The following CSMD1 variants were observed in gnomAD, a reference collection of about 807,000 sequenced individuals.
The protein encoded by CSMD1 is CUB and Sushi multiple domains 1.
CSMD1 carries 213 observed loss-of-function variants against 417.5 expected under a neutral mutation model. The ratio of observed to expected loss-of-function variants is 0.51; its 90% confidence interval spans 0.46 to 0.57. The LOEUF is 0.57. Ranked by LOEUF, CSMD1 falls within the 20% of genes least tolerant of loss-of-function variation. The pLI, the probability that CSMD1 is intolerant of heterozygous loss-of-function variation, is 0.00. For synonymous variants in CSMD1, 2,862 were observed against 1,736.8 expected (o/e 1.65, Z -16.11); for missense variants, 6,923 against 4,529.7 (o/e 1.53, Z -15.17).
intron 3 of CSMD1, among the ~76,000 whole-genome samples, chr8:4,272,586 T>A (rs1804675136): frequency 6.6e-6 from 1 of 152,194 alleles, no homozygotes; most frequent in Admixed American, 6.5e-5. Context: ...GTATACCTTT[T>A]TTGAAGGCAG....
At chr8:4,015,943 C>A (rs777713908) in intron 4 of CSMD1, among the ~76,000 whole-genome samples, 1 of 152,144 alleles carries the variant, frequency 6.6e-6, no homozygotes, top group East Asian at 1.9e-4. Flanking sequence ...TCTTCAACTG[C>A]CCCCAAGAAG....
intron 5 of CSMD1, among the ~76,000 whole-genome samples, chr8:3,845,883 A>C (rs1279926706): frequency 6.6e-6 from 1 of 151,840 alleles, no homozygotes; most frequent in Non-Finnish European, 1.5e-5. Flanking sequence ...ACACAAACAC[A>C]CACGTTGTCC....
At chr8:4,219,847 G>A (rs73658492) in intron 3 of CSMD1, among the ~76,000 whole-genome samples, 4,075 of 152,288 alleles carry the variant, frequency 0.027, 149 homozygotes, top group East Asian at 0.12. Context: ...TTTTATTGTA[G>A]TGGGGAGTGC....
At chr8:4,432,420 G>C (rs1217539) in intron 2 of CSMD1, among the ~76,000 whole-genome samples, 49,164 of 152,018 alleles carry the variant, frequency 0.32, 9,063 homozygotes, top group African/African-American at 0.51. Context: ...TGATTTCCTA[G>C]ATTTGGAGCC....
intron 5 of CSMD1, among the ~76,000 whole-genome samples, chr8:3,954,686 C>T (rs1585027532): frequency 6.6e-6 from 1 of 152,222 alleles, no homozygotes; most frequent in Non-Finnish European, 1.5e-5. Flanking sequence ...GTATAGACTC[C>T]CCTCTTTCCC....
chr8:3,259,123 T>A (rs1436880038), intron 26 of CSMD1, among the ~76,000 whole-genome samples: 1 of 152,306 alleles, frequency 6.6e-6, no homozygotes, highest in Admixed American at 6.5e-5. Context: ...ACAAGACAAA[T>A]TATTATTCCA....
intron 1 of CSMD1, among the ~76,000 whole-genome samples, chr8:4,835,653 G>A (rs1404373069): frequency 2.6e-5 from 4 of 152,094 alleles, no homozygotes; most frequent in Non-Finnish European, 2.9e-5. Context: ...AAAGACATCG[G>A]TGAGTTTGCA....
intron 1 of CSMD1, among the ~76,000 whole-genome samples, chr8:4,947,434 G>C (rs1271828204): frequency 6.6e-6 from 1 of 151,952 alleles, no homozygotes; most frequent in African/African-American, 2.4e-5. Flanking sequence ...TCTCACATAG[G>C]TAAGAAATGT....
chr8:3,171,997 T>C (rs1820609895), intron 37 of CSMD1, among the ~76,000 whole-genome samples: 1 of 152,196 alleles, frequency 6.6e-6, no homozygotes, highest in African/African-American at 2.4e-5. Flanking sequence ...CTAAATGATA[T>C]TATATTTAAT....
At chr8:4,401,196 T>C (rs1804623531) in intron 3 of CSMD1, among the ~76,000 whole-genome samples, 2 of 152,166 alleles carry the variant, frequency 1.3e-5, no homozygotes, top group African/African-American at 2.4e-5. Context: ...AGAAAAACTC[T>C]TCAAACGGTT....
Position 4,137,051 on chromosome 8 carries a change from C to T in CSMD1, c.416-104952G>A, listed in dbSNP as rs182325251. Among the ~76,000 whole-genome samples the T allele has an allele frequency of 5.3e-4, 81 of 152,294 alleles. 1 individual carries two copies. Among genetic ancestry groups the T allele is most frequent in the Admixed American group, 4.8e-3 (74 of 15,308 alleles). On this transcript the variant is annotated intron_variant, in intron 3 of 69. Transcript: ENST00000635120. ...ACATGATCACAGTTGGTTGGCTTTTCGGGCTCTAACTTCCTTTGCTACTTC... is the reference window on the plus strand; with the variant it reads ...ACATGATCACAGTTGGTTGGCTTTTTGGGCTCTAACTTCCTTTGCTACTTC...
intron 2 of CSMD1, among the ~76,000 whole-genome samples, chr8:4,629,153 G>C (rs1213114286): frequency 6.6e-6 from 1 of 152,006 alleles, no homozygotes; most frequent in East Asian, 1.9e-4. Flanking sequence ...CATTTATTTT[G>C]TCATATTTGA....
Position 3,815,557 on chromosome 8 carries a change from G to GA in CSMD1, c.819-61516dup, listed in dbSNP as rs573036862. Among the ~76,000 whole-genome samples the GA allele has an allele frequency of 1.3e-3, 188 of 149,620 alleles. 1 individual carries two copies. The East Asian group carries it at 0.018, about 14-fold the overall frequency. The stretch of plus-strand genomic sequence containing the variant: ...AAATAAAAGAAAAAACTGTGCTTTT[G>GA]AAAAAATACTGCTTTGAAATTACAT... On this transcript the variant is annotated intron_variant, in intron 5 of 69. Transcript: ENST00000635120.
intron 3 of CSMD1, among the ~76,000 whole-genome samples, chr8:4,126,809 A>G (rs755829697): frequency 5.3e-5 from 8 of 152,170 alleles, no homozygotes; most frequent in Non-Finnish European, 1.2e-4. Flanking sequence ...ATGTGTCCTA[A>G]CCTGGGGTAG....
Position 3,616,860 on chromosome 8 carries a change from A to G in CSMD1, c.1010-63T>C, listed in dbSNP as rs79227955. 9.4e-3 allele frequency: 11,044 copies of G among 1,173,598 alleles called. 673 individuals carry two copies. The African/African-American group carries it at 0.14, about 15-fold the overall frequency. 72.7% of individuals were successfully genotyped at this position (1,173,598 alleles called of 1,614,324 possible). A position where few individuals can be genotyped will look rare whatever the true frequency, so the allele number is the denominator to read the frequency against. On this transcript the variant is annotated intron_variant, in intron 7 of 69. Coordinates refer to ENST00000635120, the MANE Select transcript of CSMD1 (RefSeq NM_033225.6). ...TTATTGAGGAAATACCCAGATAAAA[A>G]ATTTATTCTAGGCATTTTCAGTTCT...
chr8:3,084,009 A>G (rs1227234196), intron 49 of CSMD1, among the ~76,000 whole-genome samples: 1 of 152,062 alleles, frequency 6.6e-6, no homozygotes, highest in Non-Finnish European at 1.5e-5. Flanking sequence ...TTGGAAGGAA[A>G]CAAATCTTTT....
chr8:3,390,334 G>A (rs1270139763), intron 17 of CSMD1, among the ~76,000 whole-genome samples: 7 of 119,822 alleles, frequency 5.8e-5, no homozygotes, highest in Admixed American at 2.3e-4. Context: ...CAGCCTGGGC[G>A]ACAGAGCAAG....
At chr8:3,484,627 C>A (rs1202447718) in intron 11 of CSMD1, among the ~76,000 whole-genome samples, 3 of 152,136 alleles carry the variant, frequency 2.0e-5, no homozygotes, top group Non-Finnish European at 4.4e-5. Context: ...TGTGTTGAAA[C>A]CCACATGAAG....
intron 1 of CSMD1, among the ~76,000 whole-genome samples, chr8:4,811,228 G>A (rs531425969): frequency 3.9e-5 from 6 of 152,068 alleles, no homozygotes; most frequent in African/African-American, 1.4e-4. Context: ...TTCAACAAGA[G>A]AACTGAAGAC....
Sources: allele counts gnomAD v4.1 joint callset (sites outside exome capture counted in the v4.1 genomes callset), GRCh38; gene constraint gnomAD v4.1.1; transcripts MANE v1.5; gene names NCBI Gene and HGNC (gene_info 2026-07-23, HGNC 2026-07-21).